USP34: variants seen among roughly 807,000 people sequenced by gnomAD.
USP34 encodes ubiquitin carboxyl-terminal hydrolase 34.
In USP34, 70 loss-of-function variants were observed where a neutral mutation model predicts 460.3. That is an observed-to-expected ratio of 0.15 (90% CI 0.13 to 0.19). The LOEUF is 0.19. Ranked by LOEUF, USP34 falls within the 10% of genes least tolerant of loss-of-function variation. The pLI is 1.00. For missense variants in USP34, 3,985 were observed against 4,236.2 expected, an observed-to-expected ratio of 0.94 and a Z score of 1.65; for synonymous variants, 1,647 against 1,405.3, an observed-to-expected ratio of 1.17 and a Z score of -3.85.
Position 61,227,137 on chromosome 2 carries a change from A to ATTTTTC in USP34, c.7519_7524dup (p.Glu2507_Lys2508dup), listed in dbSNP as rs1288792125. ...ATCTTTTCAAGGGCAGCTGGCCTGT[A>ATTTTTC]TTTTTCTTCTGCCAGAGAGAGGATA... On this transcript the variant is annotated inframe_insertion, in exon 62 of 80. Coordinates refer to ENST00000398571, the MANE Select transcript of USP34 (RefSeq NM_014709.4). 1.9e-6 allele frequency: 3 copies of ATTTTTC among 1,613,846 alleles called. No individual in the cohort carries two copies. The African/African-American group carries it at 4.0e-5, about 22-fold the overall frequency.
chr2:61,203,381 CT>C, intron 74 of USP34, 118 bp from the exon 75 acceptor site: 1 of 1,064,672 alleles, frequency 9.4e-7, no homozygotes, highest in Non-Finnish European at 1.2e-6. Flanking sequence ...CTATAAGAAC[CT>C]AGTTTTAAAA....
chr2:61,280,426 T>G (rs1253019265), intron 38 of USP34, 78 bp from the exon 39 acceptor site: 2 of 675,850 alleles, frequency 3.0e-6, no homozygotes, highest in Non-Finnish European at 4.4e-6. Context: ...AACTAGAGGC[T>G]TTATGAAATA....
rs1258691765 is a variant in USP34 at position 61,190,321 on chromosome 2, C to A, written c.9823G>T (p.Asp3275Tyr). Residue 3275 changes from aspartate (D) to tyrosine (Y), a missense_variant, in exon 78 of 80, where the codon GAT becomes TAT. Around this residue, in one of 14 missense-constraint regions of USP34, gnomAD observed 506 missense variants for 439.0 expected, o/e 1.15. Coordinates refer to ENST00000398571, the MANE Select transcript of USP34 (RefSeq NM_014709.4). ...GAAATTTCAACTCGGTTGGAGAAAT[C>A]AGACTGTAGGTTCTGATACTGGCTT... ...LISQYQNLQS[D>Y]FSNRVEISKA... is the part of the protein sequence containing the mutation. The A allele has an allele frequency of 6.2e-7, 1 of 1,613,848 alleles. No individual in the cohort carries two copies. Among genetic ancestry groups the A allele is most frequent in the Non-Finnish European group, 8.5e-7 (1 of 1,179,934 alleles).
intron 27 of USP34, among the ~76,000 whole-genome samples, chr2:61,301,816 G>A (rs761187376): frequency 1.3e-5 from 2 of 152,144 alleles, no homozygotes; most frequent in African/African-American, 2.4e-5. Context: ...CATCCAATGG[G>A]AGCTTTTTCC....
chr2:61,203,010 A>G (rs1459530760), intron 75 of USP34, 130 bp downstream of exon 75: 2 of 994,750 alleles, frequency 2.0e-6, no homozygotes, highest in Non-Finnish European at 2.8e-6. Context: ...GTTCCCAAGA[A>G]TATTAATATT....
At chr2:61,339,836 TTTTG>T (rs1691534902) in intron 16 of USP34, among the ~76,000 whole-genome samples, 155 bp from the exon 17 acceptor site, 1 of 151,188 alleles carries the variant, frequency 6.6e-6, no homozygotes, top group African/African-American at 2.4e-5. Context: ...TTTGTTTTGT[TTTTG>T]TTTTTTTTTT....
In USP34 at chr2:61,296,793, G is replaced by C; in HGVS notation, c.4254+7C>G. On this transcript the variant is annotated splice_region_variant and intron_variant, in intron 30 of 79. Coordinates refer to ENST00000398571, the MANE Select transcript of USP34 (RefSeq NM_014709.4). ...TCTAGGAGAGTAAAGAGATTTTGTG[G>C]GCTCACCTGCTCATCTGAGATATTC... 6.2e-7 allele frequency: 1 copy of C among 1,610,122 alleles called. No individual in the cohort carries two copies. Among genetic ancestry groups the C allele is most frequent in the South Asian group, 1.1e-5 (1 of 90,300 alleles).
At chr2:61,198,523 T>C (rs1444850440) in intron 75 of USP34, among the ~76,000 whole-genome samples, 1 of 151,802 alleles carries the variant, frequency 6.6e-6, no homozygotes, top group Non-Finnish European at 1.5e-5. Flanking sequence ...CCAAACCATA[T>C]GGGTATCATC....
At chr2:61,216,348 C>A (rs2103797205) in intron 67 of USP34, among the ~76,000 whole-genome samples, 1 of 152,284 alleles carries the variant, frequency 6.6e-6, no homozygotes, top group Non-Finnish European at 1.5e-5. Flanking sequence ...TGCCTGTAAT[C>A]CCAGCATTTT....
chr2:61,415,266 G>A (rs1168509568), intron 2 of USP34, among the ~76,000 whole-genome samples: 1 of 152,016 alleles, frequency 6.6e-6, no homozygotes, highest in South Asian at 2.1e-4. Flanking sequence ...ACCAGGGGTG[G>A]GGGGATAAAA....
chr2:61,440,465 T>C (rs1363535748), intron 1 of USP34, among the ~76,000 whole-genome samples: 3 of 152,102 alleles, frequency 2.0e-5, no homozygotes, highest in African/African-American at 7.2e-5. Flanking sequence ...CAGAGGGAAT[T>C]TCTCTTCATG....
intron 23 of USP34, among the ~76,000 whole-genome samples, chr2:61,315,773 CAGAGT>C (rs1394987573): frequency 2.0e-5 from 3 of 152,090 alleles, no homozygotes; most frequent in African/African-American, 7.2e-5. Context: ...AAAAGTTGGG[CAGAGT>C]AAAGAAAGAT....
intron 22 of USP34, among the ~76,000 whole-genome samples, chr2:61,318,598 G>C (rs1690823112): frequency 6.6e-6 from 1 of 152,156 alleles, no homozygotes; most frequent in African/African-American, 2.4e-5. Flanking sequence ...TTTTCACTGA[G>C]TTTCAAAATT....
At chr2:61,280,025 A>G (rs898120199) in intron 39 of USP34, among the ~76,000 whole-genome samples, 1 of 152,212 alleles carries the variant, frequency 6.6e-6, no homozygotes, top group Non-Finnish European at 1.5e-5. Flanking sequence ...GAAATTATGG[A>G]TAGATACCAG....
At chr2:61,277,120 G>A (rs1045994382) in intron 41 of USP34, among the ~76,000 whole-genome samples, 4 of 151,978 alleles carry the variant, frequency 2.6e-5, no homozygotes, top group African/African-American at 4.8e-5. Flanking sequence ...AATATGAAAC[G>A]AGTACCCAAT....
intron 1 of USP34, among the ~76,000 whole-genome samples, chr2:61,467,636 T>C (rs1339654218): frequency 6.7e-6 from 1 of 148,398 alleles, no homozygotes; most frequent in East Asian, 2.0e-4. Flanking sequence ...TTTTTTTTTT[T>C]TGAGATGGAG....
rs543640629 is a variant in USP34, at chr2:61,312,045, A to G, written c.3543-135T>C. The G allele has an allele frequency of 1.2e-5, 13 of 1,081,980 alleles. No homozygotes were observed. In the South Asian group the frequency reaches 2.5e-4, roughly 21 times the overall value. 67.0% of individuals were successfully genotyped at this position (1,081,980 alleles called of 1,614,324 possible). On this transcript the variant is annotated intron_variant, in intron 25 of 79. Coordinates refer to ENST00000398571, the MANE Select transcript of USP34 (RefSeq NM_014709.4). The stretch of plus-strand genomic sequence containing the variant: ...GTTCATTCCAATGTATTCTACAGCA[A>G]CAAATTTAAGTTCAGATTCATCATA...
intron 1 of USP34, among the ~76,000 whole-genome samples, chr2:61,439,005 T>C (rs1694893454): frequency 1.3e-5 from 2 of 152,124 alleles, no homozygotes; most frequent in Non-Finnish European, 2.9e-5. Flanking sequence ...AAAAAATCAG[T>C]GATGTTTCCA....
At chr2:61,436,457 G>C (rs547368408) in intron 1 of USP34, among the ~76,000 whole-genome samples, 102 of 152,262 alleles carry the variant, frequency 6.7e-4, no homozygotes, top group African/African-American at 2.3e-3. Flanking sequence ...TGTAAAAGGA[G>C]ACAAAGAAGG....
Sources: gnomAD v4.1 joint callset for allele counts (sites outside exome capture counted in the v4.1 genomes callset) on GRCh38, gnomAD v4.1.1 for gene constraint, gnomAD v4.1.1 regional missense constraint, MANE v1.5 for transcripts, NCBI Gene and HGNC (gene_info 2026-07-23, HGNC 2026-07-21) for gene names.